Variants in SYT9 observed in about 807,000 individuals in gnomAD.
SYT9 encodes synaptotagmin 9.
A neutral mutation model predicts 48.4 loss-of-function variants in SYT9; 22 were observed. The observed-to-expected ratio is 0.45, with a 90% CI of 0.32 to 0.65. SYT9 has a LOEUF of 0.65. Among genes scored for constraint, SYT9 ranks in the 30% least tolerant of loss-of-function variants. The pLI, the probability that SYT9 is intolerant of heterozygous loss-of-function variation, is 0.03. For missense variants in SYT9, 577 were observed against 622.0 expected, an observed-to-expected ratio of 0.93 and a Z score of 0.77; for synonymous variants, 265 against 245.0, an observed-to-expected ratio of 1.08 and a Z score of -0.76.
intron 3 of SYT9, chr11:7,314,214 G>A (rs1233175496): frequency 1.8e-6 from 1 of 567,668 alleles, no homozygotes; most frequent in South Asian, 1.5e-5. Context: ...GAGACAGCAG[G>A]TGTTATCTGT....
At chr11:7,382,537 A>C (rs576211658) in intron 3 of SYT9, among the ~76,000 whole-genome samples, 1 of 152,184 alleles carries the variant, frequency 6.6e-6, no homozygotes, top group Non-Finnish European at 1.5e-5. Flanking sequence ...TGAGTTGCTT[A>C]TTTGATCACT....
At chr11:7,430,994 G>A (rs11041377) in intron 6 of SYT9, among the ~76,000 whole-genome samples, 55,945 of 152,070 alleles carry the variant, frequency 0.37, 10,490 homozygotes, top group Middle Eastern at 0.47. Context: ...GAAAATGTGG[G>A]AGCAGCTTTG....
At chr11:7,343,906 C>T (rs537582761) in intron 3 of SYT9, among the ~76,000 whole-genome samples, 52 of 152,230 alleles carry the variant, frequency 3.4e-4, no homozygotes, top group East Asian at 1.7e-3. Flanking sequence ...GAGAGCCAAG[C>T]GAAAGGGGAA....
Position 7,313,583 on chromosome 11 carries a change from A to T in SYT9, c.686A>T (p.Lys229Ile). ...KACGKLNFIL[K>I]YDCDLEQLIV... is the part of the protein sequence containing the mutation. ...TGTGGGAAACTGAACTTCATTTTAA[A>T]ATATGACTGTGACTTAGAGCAGCTC... Residue 229 changes from lysine (K) to isoleucine (I), a missense_variant, in exon 3 of 7, where the codon AAA becomes ATA. Physicochemically the swap from Lys to Ile is moderately radical, Grantham distance 102. Transcript: ENST00000318881. 1.2e-6 allele frequency: 2 copies of T among 1,614,178 alleles called. No individual in the cohort carries two copies. The highest frequency in any genetic ancestry group is 1.7e-6 in the Non-Finnish European group (2 of 1,180,014).
intron 1 of SYT9, among the ~76,000 whole-genome samples, chr11:7,253,541 A>C (rs1417276391): frequency 6.6e-6 from 1 of 151,948 alleles, no homozygotes; most frequent in African/African-American, 2.4e-5. Flanking sequence ...CATCTGCTAA[A>C]ATTTTAAAGT....
Position 7,415,920 on chromosome 11 carries a change from A to G in SYT9, c.1045-122A>G, listed in dbSNP as rs1051042126. The G allele has an allele frequency of 4.1e-6, 5 of 1,212,570 alleles. No homozygotes were observed. The African/African-American group carries it at 7.5e-5, about 18-fold the overall frequency. 75.1% of individuals were successfully genotyped at this position (1,212,570 alleles called of 1,614,324 possible). A position where few individuals can be genotyped will look rare whatever the true frequency, so the allele number is the denominator to read the frequency against. On this transcript the variant is annotated intron_variant, in intron 3 of 6. Transcript: ENST00000318881. ...GACTGACATGAACGGAAGAGATACC[A>G]GGGATTCTACAAGCTGAGCAAAAGG... is the stretch of plus-strand genomic sequence containing the variant.
intron 1 of SYT9, among the ~76,000 whole-genome samples, chr11:7,268,534 G>A (rs1314006167): frequency 6.6e-6 from 1 of 151,956 alleles, no homozygotes; most frequent in African/African-American, 2.4e-5. Flanking sequence ...TAAAAATACT[G>A]ATGTACTGTA....
At chr11:7,449,639 G>A (rs1262719009) in intron 6 of SYT9, among the ~76,000 whole-genome samples, 1 of 152,092 alleles carries the variant, frequency 6.6e-6, no homozygotes, top group Admixed American at 6.6e-5. Flanking sequence ...GACAAGAAAA[G>A]CAACTGGACT....
chr11:7,329,040 G>A (rs1184156631), intron 3 of SYT9, among the ~76,000 whole-genome samples: 1 of 152,084 alleles, frequency 6.6e-6, no homozygotes, highest in Non-Finnish European at 1.5e-5. Context: ...AAAAATTATT[G>A]TTTATCTTTC....
chr11:7,362,951 T>C (rs1850173143), intron 3 of SYT9, among the ~76,000 whole-genome samples: 1 of 14,154 alleles, frequency 7.1e-5, no homozygotes, highest in African/African-American at 2.4e-4. Flanking sequence ...TTATTGGCCT[T>C]TTTTTTTTTT....
chr11:7,362,345 G>A (rs1850155466), intron 3 of SYT9, among the ~76,000 whole-genome samples: 1 of 151,792 alleles, frequency 6.6e-6, no homozygotes, highest in South Asian at 2.1e-4. Flanking sequence ...ATGTTGGCCA[G>A]ACTGATCTCA....
intron 1 of SYT9, among the ~76,000 whole-genome samples, chr11:7,266,370 C>G: frequency 6.6e-6 from 1 of 152,050 alleles, no homozygotes; most frequent in East Asian, 1.9e-4. Flanking sequence ...AGGGAATCTA[C>G]AAAGAGAACT....
chr11:7,413,522 C>T (rs796268787), intron 3 of SYT9, among the ~76,000 whole-genome samples: 5 of 152,266 alleles, frequency 3.3e-5, no homozygotes, highest in African/African-American at 1.2e-4. Context: ...AATGTGGACC[C>T]TGGGAGGTCT....
chr11:7,251,520 A>T (rs373330834), upstream of SYT9, among the ~76,000 whole-genome samples: 6 of 152,226 alleles, frequency 3.9e-5, no homozygotes, highest in African/African-American at 1.4e-4. Flanking sequence ...CATGGTTCAA[A>T]CCCAGGCGGC....
intron 3 of SYT9, among the ~76,000 whole-genome samples, chr11:7,360,399 G>A (rs1204713643): frequency 6.6e-6 from 1 of 152,194 alleles, no homozygotes; most frequent in African/African-American, 2.4e-5. Flanking sequence ...AAAGTCATTG[G>A]TAGCTTGATG....
At chr11:7,416,002 G>C (rs372262253) in intron 3 of SYT9, 40 bp from the exon 4 acceptor site, 82 of 1,613,368 alleles carry the variant, frequency 5.1e-5, no homozygotes, top group Non-Finnish European at 6.9e-5. Context: ...CACCAGGCTG[G>C]AGACACTTTC....
At chr11:7,451,538 C>T (rs1158349877) in intron 6 of SYT9, among the ~76,000 whole-genome samples, 1 of 152,202 alleles carries the variant, frequency 6.6e-6, no homozygotes, top group Non-Finnish European at 1.5e-5. Context: ...CCCCCTCTAA[C>T]CATGTGGTTT....
intron 3 of SYT9, among the ~76,000 whole-genome samples, chr11:7,349,001 T>C (rs1435937579): frequency 6.6e-6 from 1 of 151,966 alleles, no homozygotes; most frequent in African/African-American, 2.4e-5. Flanking sequence ...ACTGCTGGGC[T>C]GTCAGGCAGA....
intron 3 of SYT9, among the ~76,000 whole-genome samples, chr11:7,397,662 C>G (rs1384171534): frequency 6.6e-6 from 1 of 152,028 alleles, no homozygotes; most frequent in African/African-American, 2.4e-5. Context: ...CATGGAAACT[C>G]TTCATATATT....
Sources: gnomAD v4.1 joint callset for allele counts (sites outside exome capture counted in the v4.1 genomes callset) on GRCh38, gnomAD v4.1.1 for gene constraint, MANE v1.5 for transcripts, NCBI Gene and HGNC (gene_info 2026-07-23, HGNC 2026-07-21) for gene names.